MTIF3: variants seen among roughly 807,000 people sequenced by gnomAD.
MTIF3 encodes mitochondrial translational initiation factor 3.
In MTIF3, 13 loss-of-function variants were observed where a neutral mutation model predicts 20.7. That is an observed-to-expected ratio of 0.63 (90% confidence interval 0.41 to 1.00). The LOEUF (loss-of-function observed/expected upper bound fraction) is 1.00. MTIF3 is among the 50% of genes least tolerant of loss of function. The probability of loss-of-function intolerance (pLI) is 0.00; values close to 1 mark genes in which losing one functional copy is unlikely to be tolerated. For missense variants in MTIF3, 295 were observed against 324.5 expected, an observed-to-expected ratio of 0.91 and a Z score of 0.70; for synonymous variants, 114 against 112.5, an observed-to-expected ratio of 1.01 and a Z score of -0.08.
At position 27,435,696 on chromosome 13, in the gene MTIF3, T is replaced by C. The variant is rs1263359172; in HGVS notation, c.816A>G (p.Glu272=). 3.1e-6 allele frequency: 5 copies of C among 1,613,908 alleles called. No homozygotes were observed. The highest frequency in any genetic ancestry group is 1.3e-5 in the African/African-American group (1 of 74,916). ...AAAATTACTGATGCAGAACATTTGA[T>C]TCCTTATCATTTCCATGGTCTTTGT... The part of the protein sequence containing the change: ...TLNKDHGNDK[E]SNVLHQ Residue 272 remains glutamate (E), a synonymous_variant, in exon 5 of 5, where the codon GAA becomes GAG. Transcript: ENST00000381120.
intron 4 of MTIF3, among the ~76,000 whole-genome samples, chr13:27,436,628 G>A (rs2138050840): frequency 6.6e-6 from 1 of 151,976 alleles, no homozygotes; most frequent in African/African-American, 2.4e-5. Context: ...AAAATACGCT[G>A]TAATGGAAAC....
At position 27,447,321 on chromosome 13, in the gene MTIF3, T is replaced by C. The variant is rs1334956251; in HGVS notation, c.-70-2165A>G. Reference sequence around the variant, plus strand: ...CTAACCTTTCAAAGTTGAATAAAAATAGGAAGCCATGTTCTCTGATGAAAA... The same window carrying C: ...CTAACCTTTCAAAGTTGAATAAAAACAGGAAGCCATGTTCTCTGATGAAAA... On this transcript the variant is annotated intron_variant, in intron 1 of 4. Transcript: ENST00000381120. 3.3e-5 allele frequency among the ~76,000 whole-genome samples: 5 copies of C among 151,482 alleles called. No individual in the cohort carries two copies. The East Asian group carries it at 9.7e-4, about 30-fold the overall frequency.
chr13:27,443,556 CTAAA>C (rs767423935), intron 2 of MTIF3, among the ~76,000 whole-genome samples: 2 of 152,058 alleles, frequency 1.3e-5, no homozygotes, highest in African/African-American at 2.4e-5. Context: ...AATCATGTTA[CTAAA>C]TAGATAGATA....
rs1953952409 is a variant in MTIF3 at position 27,440,197 on chromosome 13, C to T, written c.252G>A (p.Gln84=). Residue 84 remains glutamine (Q), a synonymous_variant, in exon 3 of 5, where the codon CAG becomes CAA. Coordinates refer to ENST00000381120, the MANE Select transcript of MTIF3 (RefSeq NM_152912.5). ...TCTCATCAAATAAGTGAATAACTCG[C>T]TGACTAATTTTTCTTCCAACGTTAC... ...AFSNVGRKIS[Q]RVIHLFDEKG... 6.2e-7 allele frequency: 1 copy of T among 1,614,076 alleles called. No homozygotes were observed. Among genetic ancestry groups the T allele is most frequent in the African/African-American group, 1.3e-5 (1 of 74,896 alleles).
At chr13:27,438,483 G>GTTTT (rs61052475) in intron 3 of MTIF3, among the ~76,000 whole-genome samples, 1,211 of 106,954 alleles carry the variant, frequency 0.011, 94 homozygotes, top group African/African-American at 0.033. Context: ...GAGCAAGACT[G>GTTTT]TTTTTTTTTT....
Position 27,440,458 on chromosome 13 carries a change from G to T in MTIF3, c.-1-9C>A. The T allele has an allele frequency of 1.3e-6, 2 of 1,567,234 alleles. No individual in the cohort carries two copies. Among genetic ancestry groups the T allele is most frequent in the Non-Finnish European group, 1.7e-6 (2 of 1,153,480 alleles). On this transcript the variant is annotated splice_polypyrimidine_tract_variant and intron_variant, in intron 2 of 4. Transcript: ENST00000381120. The stretch of plus-strand genomic sequence containing the variant: ...GAAAAAGAGCAGCCATCCTAAGAAA[G>T]TAGTAAGAAGAGTTCATTAAAATTC...
intron 4 of MTIF3, among the ~76,000 whole-genome samples, chr13:27,436,409 TAAAA>T (rs199637855): frequency 7.0e-6 from 1 of 143,150 alleles, no homozygotes; most frequent in Non-Finnish European, 1.6e-5. Context: ...ATCTAACTTT[TAAAA>T]AAAAAAAGCA....
chr13:27,441,554 G>A (rs924467756), intron 2 of MTIF3, among the ~76,000 whole-genome samples: 1 of 152,238 alleles, frequency 6.6e-6, no homozygotes, highest in Non-Finnish European at 1.5e-5. Flanking sequence ...TATGGTGACA[G>A]TGGTTTTACT....
Position 27,440,287 on chromosome 13 carries a change from G to C in MTIF3, c.162C>G (p.Ala54=), listed in dbSNP as rs751522466. The C allele has an allele frequency of 1.2e-6, 2 of 1,613,988 alleles. No individual in the cohort carries two copies. Among genetic ancestry groups the C allele is most frequent in the African/African-American group, 2.7e-5 (2 of 74,864 alleles). The part of the protein sequence containing the change: ...PRLSFLIHAK[A]FSTAEDTQNE... ...TCTGGGTGTCTTCAGCGGTACTAAA[G>C]GCTTTTGCATGAATTAGGAAGGAGA... The change falls in exon 3 of 5, where the codon GCC becomes GCG. Residue 54 remains alanine, a synonymous_variant. Coordinates refer to ENST00000381120, the MANE Select transcript of MTIF3 (RefSeq NM_152912.5).
chr13:27,450,320 A>G (rs1287700099), intron 1 of MTIF3, 189 bp downstream of exon 1: 4 of 152,284 alleles, frequency 2.6e-5, no homozygotes, highest in Non-Finnish European at 4.4e-5. Flanking sequence ...CCTCGCTGAA[A>G]ATGGCTTTAC....
Position 27,448,461 on chromosome 13 carries a change from G to A in MTIF3, c.-71+2048C>T, listed in dbSNP as rs769342464. ...TGTCCCAGTTGCCCCATTCTGGCCT[G>A]AGCAGTGCAGCCTTAATCCCAGAGG... On this transcript the variant is annotated intron_variant, in intron 1 of 4. Coordinates refer to ENST00000381120, the MANE Select transcript of MTIF3 (RefSeq NM_152912.5). 1.2e-4 allele frequency among the ~76,000 whole-genome samples: 19 copies of A among 152,282 alleles called. No individual in the cohort carries two copies. The South Asian group carries it at 1.7e-3, about 13-fold the overall frequency.
intron 2 of MTIF3, among the ~76,000 whole-genome samples, chr13:27,440,793 A>G (rs1953980523): frequency 6.6e-6 from 1 of 151,580 alleles, no homozygotes; most frequent in East Asian, 1.9e-4. Context: ...CTTGGGAGTT[A>G]GGGAAACAGA....
At chr13:27,446,178 T>TC (rs2138176175) in intron 1 of MTIF3, among the ~76,000 whole-genome samples, 1 of 152,220 alleles carries the variant, frequency 6.6e-6, no homozygotes, top group Admixed American at 6.5e-5. Flanking sequence ...TGCTTCAGCC[T>TC]CCCAAGTAGC....
At chr13:27,436,551 T>A (rs1953760976) in intron 4 of MTIF3, among the ~76,000 whole-genome samples, 1 of 152,070 alleles carries the variant, frequency 6.6e-6, no homozygotes, top group Admixed American at 6.6e-5. Flanking sequence ...TTTTCCTGTT[T>A]AAGGGTTATT....
chr13:27,447,047 C>T (rs1267239924), intron 1 of MTIF3, among the ~76,000 whole-genome samples: 1 of 152,092 alleles, frequency 6.6e-6, no homozygotes, highest in Non-Finnish European at 1.5e-5. Context: ...AGAACTTGTA[C>T]AATTTTTTGC....
At chr13:27,436,308 A>G (rs76249173) in intron 4 of MTIF3, among the ~76,000 whole-genome samples, 20,186 of 152,048 alleles carry the variant, frequency 0.13, 1,764 homozygotes, top group Non-Finnish European at 0.19. Context: ...TGGGCTCAAG[A>G]AATTCTGCAT....
chr13:27,443,128 C>T (rs757225313), intron 2 of MTIF3, among the ~76,000 whole-genome samples: 1 of 152,156 alleles, frequency 6.6e-6, no homozygotes, highest in Non-Finnish European at 1.5e-5. Context: ...TTCAGATGCC[C>T]GTCAGTAATG....
chr13:27,440,064 G>C lies in MTIF3; in HGVS notation c.385C>G (p.Gln129Glu). The change falls in exon 3 of 5, where the codon CAG becomes GAG. Residue 129 changes from glutamine to glutamate, a missense_variant. By Grantham distance (29) the Gln-to-Glu change is conservative (BLOSUM62 2). Coordinates refer to ENST00000381120, the MANE Select transcript of MTIF3 (RefSeq NM_152912.5). ...RNTSTEPAEY[Q>E]LMTGLQILQE... ...AGGATCTGCAATCCTGTCATGAGCT[G>C]ATACTCTGCAGGTTCTGTGCTGGTG... The C allele has an allele frequency of 6.2e-7, 1 of 1,614,198 alleles. No individual in the cohort carries two copies.
At chr13:27,435,991 TTGC>T in intron 4 of MTIF3, 98 bp from the exon 5 acceptor site, 1 of 919,538 alleles carries the variant, frequency 1.1e-6, no homozygotes, top group South Asian at 1.5e-5. Context: ...CACCCTTGAA[TTGC>T]TGCTGTCGGT....
Sources: gnomAD v4.1 joint callset for allele counts (sites outside exome capture counted in the v4.1 genomes callset) on GRCh38, gnomAD v4.1.1 for gene constraint, MANE v1.5 for transcripts, NCBI Gene and HGNC (gene_info 2026-07-23, HGNC 2026-07-21) for gene names.